The following MTUS2 variants were observed in gnomAD, a reference collection of about 807,000 sequenced individuals.
MTUS2 encodes the protein microtubule associated scaffold protein 2.
A neutral mutation model predicts 114.1 loss-of-function variants in MTUS2; 40 were observed. The observed-to-expected ratio is 0.35, with a 90% confidence interval of 0.27 to 0.46. The LOEUF is 0.46. MTUS2 is among the 20% of genes least tolerant of loss of function. MTUS2 has a pLI of 1.00. For missense variants in MTUS2, 1,679 were observed against 1,705.4 expected (o/e 0.98, Z 0.27); for synonymous variants, 688 against 672.0 (o/e 1.02, Z -0.37).
intron 5 of MTUS2, among the ~76,000 whole-genome samples, chr13:29,107,692 T>C (rs1187404018): frequency 6.6e-6 from 1 of 152,158 alleles, no homozygotes; most frequent in Non-Finnish European, 1.5e-5. Flanking sequence ...TCCTTGGATA[T>C]ACTTAATTGT....
chr13:29,239,057 A>G (rs982113725), intron 5 of MTUS2, among the ~76,000 whole-genome samples: 6 of 152,228 alleles, frequency 3.9e-5, no homozygotes, highest in Admixed American at 3.9e-4. Context: ...TATAGTTAAC[A>G]GTGCCATATT....
intron 2 of MTUS2, among the ~76,000 whole-genome samples, chr13:28,930,138 C>G (rs1447343566): frequency 6.6e-6 from 1 of 152,088 alleles, no homozygotes; most frequent in Non-Finnish European, 1.5e-5. Context: ...TTTCATTTTC[C>G]CTTCTTCAGA....
chr13:28,949,700 C>A (rs1188179163), intron 2 of MTUS2, among the ~76,000 whole-genome samples: 1 of 152,224 alleles, frequency 6.6e-6, no homozygotes, highest in South Asian at 2.1e-4. Context: ...TAGGTAGAAT[C>A]ATACAATATT....
intron 2 of MTUS2, among the ~76,000 whole-genome samples, chr13:28,993,418 C>T (rs556498805): frequency 6.6e-6 from 1 of 152,284 alleles, no homozygotes; most frequent in East Asian, 1.9e-4. Context: ...TTGTTATTCT[C>T]CTGTGCATTG....
chr13:29,325,558 GGAAGAAGAA>G (rs200961450), intron 7 of MTUS2, among the ~76,000 whole-genome samples: 7 of 144,890 alleles, frequency 4.8e-5, no homozygotes, highest in Non-Finnish European at 7.5e-5. Context: ...AGGAAGAAGA[GGAAGAAGAA>G]GAAGAGGAGG....
intron 4 of MTUS2, among the ~76,000 whole-genome samples, chr13:29,100,442 C>A (rs933769376): frequency 1.3e-5 from 2 of 152,164 alleles, no homozygotes; most frequent in East Asian, 3.8e-4. Context: ...AATAACTATT[C>A]GCTTTCACTC....
chr13:29,376,439 T>A (rs1374039799), intron 8 of MTUS2, among the ~76,000 whole-genome samples: 2 of 151,876 alleles, frequency 1.3e-5, no homozygotes, highest in Non-Finnish European at 2.9e-5. Flanking sequence ...AATAAAGCAC[T>A]TAAAATGGAA....
chr13:29,402,681 C>G (rs1329116372), intron 8 of MTUS2, among the ~76,000 whole-genome samples: 1 of 152,174 alleles, frequency 6.6e-6, no homozygotes, highest in Non-Finnish European at 1.5e-5. Flanking sequence ...TTCCAGTTCT[C>G]CATGAGGTTG....
chr13:29,271,846 CA>C (rs927246498), intron 5 of MTUS2, among the ~76,000 whole-genome samples: 6 of 152,154 alleles, frequency 3.9e-5, no homozygotes, highest in African/African-American at 1.4e-4. Flanking sequence ...CAAGGGTGAC[CA>C]ATCAATGTTT....
intron 2 of MTUS2, among the ~76,000 whole-genome samples, chr13:28,970,901 A>G (rs891474214): frequency 1.3e-5 from 2 of 152,238 alleles, no homozygotes; most frequent in African/African-American, 4.8e-5. Flanking sequence ...CACCGTGCTC[A>G]TGCTGAGGGC....
Position 29,320,840 on chromosome 13 carries a change from G to A in MTUS2, c.2807-3773G>A, listed in dbSNP as rs1010158605. On this transcript the variant is annotated intron_variant, in intron 6 of 15. Transcript: ENST00000612955. ...TGAGGACTGAGCTGAGGTACAAAGT[G>A]AGAATGAATCAGGGGCCAGACTTAG... 4.6e-5 allele frequency among the ~76,000 whole-genome samples: 7 copies of A among 152,188 alleles called. No individual in the cohort carries two copies. The East Asian group carries it at 1.3e-3, about 29-fold the overall frequency.
intron 2 of MTUS2, among the ~76,000 whole-genome samples, chr13:28,943,988 G>T (rs888666517): frequency 1.3e-5 from 2 of 151,916 alleles, no homozygotes; most frequent in African/African-American, 2.4e-5. Flanking sequence ...CTAGTTTTTT[G>T]TTTGCTTTTT....
chr13:28,876,798 T>C (rs551061122), intron 2 of MTUS2, among the ~76,000 whole-genome samples: 212 of 152,250 alleles, frequency 1.4e-3, no homozygotes, highest in African/African-American at 4.4e-3. Flanking sequence ...GCTGGGTAAA[T>C]GATCAAACAA....
chr13:29,373,039 C>G (rs1246438261), intron 8 of MTUS2, among the ~76,000 whole-genome samples: 5 of 152,312 alleles, frequency 3.3e-5, no homozygotes, highest in Non-Finnish European at 7.4e-5. Context: ...CCAGTATTCT[C>G]TGACTTGAAG....
intron 2 of MTUS2, among the ~76,000 whole-genome samples, chr13:29,005,567 A>G (rs1680078198): frequency 6.6e-6 from 1 of 152,160 alleles, no homozygotes; most frequent in Admixed American, 6.5e-5. Context: ...GAAATAACCA[A>G]TGGCAGTAAG....
intron 5 of MTUS2, among the ~76,000 whole-genome samples, chr13:29,154,578 C>T (rs1019090457): frequency 2.2e-4 from 34 of 152,190 alleles, no homozygotes; most frequent in Non-Finnish European, 4.6e-4. Flanking sequence ...ACAGCTAACA[C>T]TGGAATGCCA....
chr13:28,954,391 G>A (rs1882962202), intron 2 of MTUS2, among the ~76,000 whole-genome samples: 1 of 152,144 alleles, frequency 6.6e-6, no homozygotes, highest in Admixed American at 6.5e-5. Context: ...GACACAGATG[G>A]TACAAGATTA....
intron 8 of MTUS2, among the ~76,000 whole-genome samples, chr13:29,384,392 G>A (rs970975785): frequency 6.6e-6 from 1 of 152,178 alleles, no homozygotes; most frequent in African/African-American, 2.4e-5. Context: ...GTTACATTCT[G>A]TTCAGAAGAA....
rs184960582 is a variant in MTUS2 at position 29,167,017 on chromosome 13, T to C, written c.2644+66047T>C. ...GTTTTACTTAGTGTCACAAATAAGT[T>C]CTTGTGTTCTTAAGATATAATTCTT... On this transcript the variant is annotated intron_variant, in intron 5 of 15. Transcript: ENST00000612955. 9.2e-5 allele frequency among the ~76,000 whole-genome samples: 14 copies of C among 152,274 alleles called. No individual in the cohort carries two copies. In the East Asian group the frequency reaches 2.7e-3, roughly 29 times the overall value.
Sources: gnomAD v4.1 joint callset for allele counts (sites outside exome capture counted in the v4.1 genomes callset) on GRCh38, gnomAD v4.1.1 for gene constraint, MANE v1.5 for transcripts, NCBI Gene and HGNC (gene_info 2026-07-23, HGNC 2026-07-21) for gene names.